The following FAN1 variants were observed in gnomAD, a reference collection of about 807,000 sequenced individuals.
FAN1 encodes fanconi-associated nuclease 1.
FAN1 carries 91 observed loss-of-function variants against 104.9 expected under a neutral mutation model. The ratio of observed to expected loss-of-function variants is 0.87; its 90% CI spans 0.73 to 1.03. The LOEUF (loss-of-function observed/expected upper bound fraction) is 1.03. Ranked by LOEUF, FAN1 falls within the 50% of genes least tolerant of loss-of-function variation. FAN1 has a pLI of 0.00. For missense variants in FAN1, 1,263 were observed against 1,239.9 expected, an observed-to-expected ratio of 1.02 and a Z score of -0.28; for synonymous variants, 478 against 457.6, an observed-to-expected ratio of 1.04 and a Z score of -0.57.
In FAN1 at chr15:30,905,002, A is replaced by C; in HGVS notation, c.339A>C (p.Gln113His). ...CAAAGACAAATTTAACCCCTGGCCAAAGTGATTCAGCAAAAAGGGAAGTAA... is the reference window on the plus strand; with the variant it reads ...CAAAGACAAATTTAACCCCTGGCCACAGTGATTCAGCAAAAAGGGAAGTAA... Reference protein sequence around the residue: ...PPPKTNLTPGQSDSAKREVKQ... With the variant: ...PPPKTNLTPGHSDSAKREVKQ... The change falls in exon 2 of 15, where the codon CAA (glutamine) becomes CAC (histidine). Residue 113 changes from glutamine (Q) to histidine (H), a missense_variant. Coordinates refer to ENST00000362065, the MANE Select transcript of FAN1 (RefSeq NM_014967.5). The C allele has an allele frequency of 6.2e-7, 1 of 1,614,104 alleles. No homozygotes were observed. Among genetic ancestry groups the C allele is most frequent in the Non-Finnish European group, 8.5e-7 (1 of 1,180,028 alleles).
intron 13 of FAN1, among the ~76,000 whole-genome samples, chr15:30,936,494 T>TC (rs2062856390): frequency 6.6e-6 from 1 of 152,226 alleles, no homozygotes; most frequent in Non-Finnish European, 1.5e-5. Flanking sequence ...AAACAATTTT[T>TC]CATTTGCTAT....
intron 8 of FAN1, among the ~76,000 whole-genome samples, chr15:30,924,721 C>T (rs2062416327): frequency 6.6e-6 from 1 of 152,156 alleles, no homozygotes; most frequent in South Asian, 2.1e-4. Flanking sequence ...TGCGTGGGCT[C>T]CTGCTCTGGA....
intron 5 of FAN1, among the ~76,000 whole-genome samples, chr15:30,916,530 C>T (rs912425844): frequency 2.6e-5 from 4 of 152,088 alleles, no homozygotes; most frequent in Non-Finnish European, 4.4e-5. Flanking sequence ...ATGAGAACTC[C>T]CTTGGTTAAG....
At chr15:30,930,801 T>C in intron 13 of FAN1, 130 bp downstream of exon 13, 1 of 1,106,158 alleles carries the variant, frequency 9.0e-7, no homozygotes. Flanking sequence ...GCCGAGGGCC[T>C]GGGTTCCTGT....
rs777460660 is a variant in FAN1, at chr15:30,942,699, CTT to C, written c.*1139_*1140del. 4.2e-5 allele frequency: 24 copies of C among 577,118 alleles called. No individual in the cohort carries two copies. The highest frequency in any genetic ancestry group is 6.4e-5 in the Non-Finnish European group (22 of 345,580). The allele number at this position is 577,118 out of a possible 1,614,324, so 35.7% of individuals were successfully genotyped here. A position where few individuals can be genotyped will look rare whatever the true frequency, so the allele number is the denominator to read the frequency against. On this transcript the variant is annotated 3_prime_UTR_variant, in exon 15 of 15. Transcript: ENST00000362065. ...ATCTGCCCACTCTCAGGTACTGAGA[CTT>C]TGTGGGCCTCAGACACCAGGAAGAA...
intron 10 of FAN1, among the ~76,000 whole-genome samples, chr15:30,926,287 C>T (rs2062461008): frequency 6.6e-6 from 1 of 152,222 alleles, no homozygotes; most frequent in Non-Finnish European, 1.5e-5. Flanking sequence ...CCTGCCCCTT[C>T]CCTGGGATTT....
chr15:30,916,835 T>C (rs1444187415), intron 5 of FAN1, among the ~76,000 whole-genome samples: 2 of 152,118 alleles, frequency 1.3e-5, no homozygotes. Flanking sequence ...GTGTGAGAAG[T>C]GCTGTGATAA....
At chr15:30,922,455 A>G (rs2062357076) in intron 8 of FAN1, 101 bp downstream of exon 8, 15 of 1,181,060 alleles carry the variant, frequency 1.3e-5, no homozygotes, top group South Asian at 3.0e-5. Context: ...TAATTAGAAC[A>G]TGTATTTCTT....
rs8023700 is a variant in FAN1, at chr15:30,942,297, G to A, written c.*735G>A. 4.0e-3 allele frequency: 2,421 copies of A among 603,714 alleles called. 46 individuals are homozygous for A. The highest frequency in any genetic ancestry group is 0.039 in the African/African-American group (2,132 of 54,030). The allele number at this position is 603,714 out of a possible 1,614,324, so 37.4% of individuals were successfully genotyped here. ...GCTGTTACTATCAGCCTGAATGGGG[G>A]CGGGATGAGAGTACCTCCTATCCAC... On this transcript the variant is annotated 3_prime_UTR_variant, in exon 15 of 15. Coordinates refer to ENST00000362065, the MANE Select transcript of FAN1 (RefSeq NM_014967.5).
At chr15:30,908,295 G>T in intron 3 of FAN1, 37 bp downstream of exon 3, 1 of 1,535,294 alleles carries the variant, frequency 6.5e-7, no homozygotes, top group Non-Finnish European at 8.8e-7. Context: ...ATGAAAATAT[G>T]ATCTGAAGAA....
Position 30,925,832 on chromosome 15 carries a change from A to G in FAN1, c.2381A>G (p.Lys794Arg), listed in dbSNP as rs145610507. 4.1e-4 allele frequency: 659 copies of G among 1,614,222 alleles called. 1 individual carries two copies. Among genetic ancestry groups the G allele is most frequent in the Non-Finnish European group, 5.2e-4 (615 of 1,180,040 alleles). The change falls in exon 10 of 15, where the codon AAG (lysine) becomes AGG (arginine). Residue 794 changes from lysine (K) to arginine (R), a missense_variant. Transcript: ENST00000362065. ...CTGTGCCCACAGCGTGGGATGTGCA[A>G]GTCTGTGTTTGTGATGGAGGCCGGG... Reference protein sequence around the residue: ...GRLCPQRGMCKSVFVMEAGEA... With the variant: ...GRLCPQRGMCRSVFVMEAGEA...
chr15:30,942,969 A>AG lies in FAN1; in HGVS notation c.*1410dup. 6.4e-7 allele frequency: 1 copy of AG among 1,558,090 alleles called. No individual in the cohort carries two copies. Reference sequence around the variant, plus strand: ...TCCAATGTAGAAGGGGTTATGGAAAAGGGTGCGATCCTTTGCTGTAAACTG... The same window carrying AG: ...TCCAATGTAGAAGGGGTTATGGAAAAGGGGTGCGATCCTTTGCTGTAAACTG... On this transcript the variant is annotated 3_prime_UTR_variant, in exon 15 of 15. Transcript: ENST00000362065.
At chr15:30,935,829 CAG>C (rs1397672104) in intron 13 of FAN1, among the ~76,000 whole-genome samples, 3 of 152,184 alleles carry the variant, frequency 2.0e-5, no homozygotes, top group African/African-American at 7.2e-5. Flanking sequence ...GGTTTCCAAT[CAG>C]AGAATCTTTT....
Position 30,918,224 on chromosome 15 carries a change from GGAAGA to G in FAN1, c.1873_1877del (p.Glu625SerfsTer2). 6.2e-7 allele frequency: 1 copy of G among 1,614,086 alleles called. No homozygotes were observed. The highest frequency in any genetic ancestry group is 1.1e-5 in the South Asian group (1 of 91,076). ...CTTCCGCAATGGCCAATGGGAACTG[GGAAGA>G]AGCTAAGGAGCTCGCTCAGTGTGCA... On this transcript the variant is annotated frameshift_variant, in exon 6 of 15. Transcript: ENST00000362065. LOFTEE classifies it high-confidence loss of function.
chr15:30,937,341 G>A (rs772790643), intron 14 of FAN1, 82 bp downstream of exon 14: 79 of 1,359,178 alleles, frequency 5.8e-5, no homozygotes, highest in Middle Eastern at 1.9e-4. Context: ...TTTTGTTATC[G>A]TGCATTATAA....
intron 10 of FAN1, chr15:30,927,807 G>C: frequency 1.0e-6 from 1 of 985,762 alleles, no homozygotes; most frequent in Non-Finnish European, 1.2e-6. Context: ...GGCTTGCTCA[G>C]GGACACAGGT....
At chr15:30,928,759 T>C (rs2062537633) in intron 11 of FAN1, 103 bp downstream of exon 11, 1 of 1,570,404 alleles carries the variant, frequency 6.4e-7, no homozygotes, top group African/African-American at 1.4e-5. Flanking sequence ...ACCATCTCTG[T>C]TACGGTCCTT....
Position 30,908,107 on chromosome 15 carries a change from C to T in FAN1, c.1235-11C>T, listed in dbSNP as rs763884861. On this transcript the variant is annotated splice_polypyrimidine_tract_variant and intron_variant, in intron 2 of 14. Transcript: ENST00000362065. ...CAGTGATTTTCAACATTTTTCTTAA[C>T]TTTATTGCAGCTACTGGTCAGAAGT... is the stretch of plus-strand genomic sequence containing the variant. 6 of 1,584,002 alleles carry T rather than the reference C, an allele frequency of 3.8e-6. No individual in the cohort carries two copies. Among genetic ancestry groups the T allele is most frequent in the Non-Finnish European group, 5.1e-6 (6 of 1,168,840 alleles).
At chr15:30,908,404 C>T (rs940887069) in intron 3 of FAN1, 146 bp downstream of exon 3, 1 of 607,402 alleles carries the variant, frequency 1.6e-6, no homozygotes, top group African/African-American at 1.9e-5. Flanking sequence ...AATCTTAGGA[C>T]AACAAATTAC....
Sources: gnomAD v4.1 joint callset for allele counts (sites outside exome capture counted in the v4.1 genomes callset) on GRCh38, gnomAD v4.1.1 for gene constraint, MANE v1.5 for transcripts, NCBI Gene and HGNC (gene_info 2026-07-23, HGNC 2026-07-21) for gene names.